The following ROBO2 variants were observed in gnomAD, a reference collection of about 807,000 sequenced individuals.
ROBO2 encodes roundabout homolog 2.
Under a neutral mutation model 160.8 loss-of-function variants are expected in ROBO2, and 53 were observed. The observed-to-expected ratio is 0.33, with a 90% CI of 0.26 to 0.41. The LOEUF (loss-of-function observed/expected upper bound fraction) is 0.41. Among genes scored for constraint, ROBO2 ranks in the 10% least tolerant of loss-of-function variants. The pLI is 1.00. For missense variants in ROBO2, 1,577 were observed against 1,722.4 expected, an observed-to-expected ratio of 0.92 and a Z score of 1.49; for synonymous variants, 664 against 611.7, an observed-to-expected ratio of 1.09 and a Z score of -1.26.
intron 2 of ROBO2, among the ~76,000 whole-genome samples, chr3:77,184,641 A>G (rs1436855752): frequency 6.6e-6 from 1 of 151,984 alleles, no homozygotes; most frequent in Non-Finnish European, 1.5e-5. Context: ...TGTGAGCAAA[A>G]GGTAAGAAAA....
intron 2 of ROBO2, among the ~76,000 whole-genome samples, chr3:76,615,740 G>A (rs998887851): frequency 6.6e-6 from 1 of 152,110 alleles, no homozygotes; most frequent in African/African-American, 2.4e-5. Context: ...AGCAAACCAA[G>A]TATTTTTACT....
intron 2 of ROBO2, among the ~76,000 whole-genome samples, chr3:76,479,032 G>A (rs1402618766): frequency 6.6e-6 from 1 of 152,052 alleles, no homozygotes; most frequent in Non-Finnish European, 1.5e-5. Context: ...ATCATGGTGT[G>A]TTTGTAGCAT....
chr3:76,928,427 T>C (rs2077119423), intron 2 of ROBO2, among the ~76,000 whole-genome samples: 1 of 151,510 alleles, frequency 6.6e-6, no homozygotes, highest in Non-Finnish European at 1.5e-5. Context: ...AATTGTGTTG[T>C]TTGTGTGCTA....
At chr3:76,542,647 C>CT (rs2082882573) in intron 2 of ROBO2, among the ~76,000 whole-genome samples, 1 of 152,062 alleles carries the variant, frequency 6.6e-6, no homozygotes, top group Non-Finnish European at 1.5e-5. Context: ...ATCTGCTCAC[C>CT]TTTTTTCTGT....
At chr3:76,250,827 A>G (rs931009621) in intron 2 of ROBO2, among the ~76,000 whole-genome samples, 26 of 152,078 alleles carry the variant, frequency 1.7e-4, no homozygotes, top group Non-Finnish European at 1.5e-5. Context: ...TTTTCAGCAT[A>G]TTCCCCGAAT....
At chr3:77,153,328 G>A (rs1448423972) in intron 2 of ROBO2, among the ~76,000 whole-genome samples, 1 of 151,930 alleles carries the variant, frequency 6.6e-6, no homozygotes, top group African/African-American at 2.4e-5. Context: ...TTGATGGATT[G>A]TATCTTTCTT....
intron 2 of ROBO2, among the ~76,000 whole-genome samples, chr3:77,009,150 A>G (rs2061734952): frequency 6.6e-6 from 1 of 152,220 alleles, no homozygotes; most frequent in Non-Finnish European, 1.5e-5. Flanking sequence ...CCCAGTGACT[A>G]ACTGATCCTT....
chr3:76,174,403 ATTGCTT>A (rs948897750), intron 2 of ROBO2, among the ~76,000 whole-genome samples: 7 of 152,060 alleles, frequency 4.6e-5, no homozygotes, highest in Non-Finnish European at 8.8e-5. Context: ...TTTTGTTGCA[ATTGCTT>A]TTGGTATTTT....
intron 2 of ROBO2, among the ~76,000 whole-genome samples, chr3:76,725,687 G>C (rs944854337): frequency 6.6e-6 from 1 of 152,086 alleles, no homozygotes; most frequent in African/African-American, 2.4e-5. Context: ...TTGGCCTTTG[G>C]AGCAGCCAAA....
chr3:77,630,803 T>TAAGAGCAGGTATTTAGAAATAC, intron 23 of ROBO2: 1 of 151,808 alleles, frequency 6.6e-6, no homozygotes, highest in Admixed American at 6.6e-5. Context: ...ATTTGGAAAG[T>TAAGAGCAGGTATTTAGAAATAC]AAGAGCAGGT....
intron 2 of ROBO2, among the ~76,000 whole-genome samples, chr3:76,629,292 T>C (rs929093770): frequency 3.5e-4 from 53 of 152,314 alleles, no homozygotes; most frequent in Non-Finnish European, 7.5e-4. Flanking sequence ...TAATTTTTTT[T>C]CCAACTGCAT....
At chr3:76,430,973 T>C (rs1420904092) in intron 2 of ROBO2, among the ~76,000 whole-genome samples, 2 of 152,092 alleles carry the variant, frequency 1.3e-5, no homozygotes, top group African/African-American at 4.8e-5. Context: ...TTAAGTTTTC[T>C]CAAACTAATA....
At chr3:76,307,452 G>A (rs35769681) in intron 2 of ROBO2, among the ~76,000 whole-genome samples, 10,263 of 151,494 alleles carry the variant, frequency 0.068, 420 homozygotes, top group African/African-American at 0.12. Context: ...TCTTGCTGGG[G>A]CCTTCTTTTT....
chr3:76,000,298 A>G (rs915072482), intron 2 of ROBO2, among the ~76,000 whole-genome samples: 18 of 152,092 alleles, frequency 1.2e-4, no homozygotes, highest in African/African-American at 4.1e-4. Flanking sequence ...TGAGGTTTGT[A>G]TACTTAAGTT....
intron 22 of ROBO2, among the ~76,000 whole-genome samples, chr3:77,619,662 C>G (rs191670285): frequency 1.6e-4 from 25 of 152,258 alleles, no homozygotes; most frequent in African/African-American, 5.5e-4. Flanking sequence ...ACCTCAATTT[C>G]CAGCCCCTCC....
At chr3:75,909,748 A>C (rs528886276) in intron 1 of ROBO2, among the ~76,000 whole-genome samples, 284 of 152,344 alleles carry the variant, frequency 1.9e-3, no homozygotes, top group African/African-American at 6.3e-3. Flanking sequence ...ATGCTAAACA[A>C]TGCCCTATAT....
intron 2 of ROBO2, among the ~76,000 whole-genome samples, chr3:76,126,744 G>A (rs1465904527): frequency 6.6e-6 from 1 of 152,068 alleles, no homozygotes; most frequent in African/African-American, 2.4e-5. Flanking sequence ...ATGTTCAAAT[G>A]ATCCCTACAT....
chr3:76,435,459 T>G, intron 2 of ROBO2: 1 of 750,960 alleles, frequency 1.3e-6, no homozygotes, highest in Non-Finnish European at 2.5e-6. Context: ...TTGCCCTCCC[T>G]TCACACCGTG....
chr3:76,298,483 A>T (rs190916478), intron 2 of ROBO2, among the ~76,000 whole-genome samples: 1 of 152,168 alleles, frequency 6.6e-6, no homozygotes, highest in Non-Finnish European at 1.5e-5. Flanking sequence ...ATTTCTTTAA[A>T]TATATGACAG....
Sources: gnomAD v4.1 joint callset for allele counts (sites outside exome capture counted in the v4.1 genomes callset) on GRCh38, gnomAD v4.1.1 for gene constraint, MANE v1.5 for transcripts, NCBI Gene and HGNC (gene_info 2026-07-23, HGNC 2026-07-21) for gene names.